FHOD3: variants seen among roughly 807,000 people sequenced by gnomAD.
FHOD3 encodes the protein formin homology 2 domain containing 3, also known as FH1/FH2 domain-containing protein 3.
A neutral mutation model predicts 173.0 loss-of-function variants in FHOD3; 90 were observed. The ratio of observed to expected loss-of-function variants is 0.52; its 90% CI spans 0.44 to 0.62. The LOEUF (loss-of-function observed/expected upper bound fraction) is 0.62. Ranked by LOEUF, FHOD3 falls within the 20% of genes least tolerant of loss-of-function variation. FHOD3 has a pLI of 0.00. For missense variants in FHOD3, 1,945 were observed against 2,034.7 expected, an observed-to-expected ratio of 0.96 and a Z score of 0.85; for synonymous variants, 828 against 823.0, an observed-to-expected ratio of 1.01 and a Z score of -0.10.
chr18:36,440,290 T>C (rs1230733257), intron 3 of FHOD3, among the ~76,000 whole-genome samples: 1 of 152,202 alleles, frequency 6.6e-6, no homozygotes, highest in Non-Finnish European at 1.5e-5. Context: ...GCTGTCATCT[T>C]CTGCAGCAGA....
intron 6 of FHOD3, among the ~76,000 whole-genome samples, chr18:36,589,194 C>T (rs953225): frequency 1.1e-4 from 17 of 152,068 alleles, no homozygotes; most frequent in Non-Finnish European, 2.2e-4. Flanking sequence ...TGCTTTTGCA[C>T]CCCCCGTATG....
intron 16 of FHOD3, among the ~76,000 whole-genome samples, chr18:36,687,734 T>C (rs958784572): frequency 1.2e-4 from 18 of 152,222 alleles, no homozygotes; most frequent in Admixed American, 2.6e-4. Context: ...GAATAATATA[T>C]GGAATCAGTA....
At chr18:36,680,699 C>G (rs1043191930) in intron 14 of FHOD3, among the ~76,000 whole-genome samples, 5 of 152,240 alleles carry the variant, frequency 3.3e-5, no homozygotes, top group African/African-American at 7.2e-5. Context: ...ATACCACTGC[C>G]TGTCCTTTGA....
chr18:36,436,284 G>A (rs1460468072), intron 3 of FHOD3, among the ~76,000 whole-genome samples: 1 of 152,066 alleles, frequency 6.6e-6, no homozygotes, highest in African/African-American at 2.4e-5. Flanking sequence ...TATGCCCTTT[G>A]TATTTCTATA....
At chr18:36,399,070 C>T (rs535222464) in intron 3 of FHOD3, among the ~76,000 whole-genome samples, 1 of 151,572 alleles carries the variant, frequency 6.6e-6, no homozygotes, top group South Asian at 2.1e-4. Flanking sequence ...GTTTGGGTAC[C>T]TTGTATCTGA....
chr18:36,477,540 CACCCACCTACCTACCTACCT>C (rs1447039784), intron 3 of FHOD3, among the ~76,000 whole-genome samples: 1,179 of 108,576 alleles, frequency 0.011, 13 homozygotes, highest in South Asian at 0.018. Context: ...CCCACCCACC[CACCCACCTACCTACCTACCT>C]ACCTACCTAC....
chr18:36,776,665 A>G (rs2043677674), intron 28 of FHOD3, among the ~76,000 whole-genome samples: 1 of 152,208 alleles, frequency 6.6e-6, no homozygotes, highest in African/African-American at 2.4e-5. Context: ...CTTTTCAGGG[A>G]TACATCTGGC....
intron 6 of FHOD3, among the ~76,000 whole-genome samples, chr18:36,583,885 A>G (rs755995083): frequency 2.0e-5 from 3 of 152,030 alleles, no homozygotes; most frequent in Non-Finnish European, 4.4e-5. Context: ...GAGTATAGTG[A>G]CACAGTCTCG....
intron 2 of FHOD3, among the ~76,000 whole-genome samples, chr18:36,366,383 A>G (rs1011213862): frequency 6.6e-6 from 1 of 152,206 alleles, no homozygotes; most frequent in Non-Finnish European, 1.5e-5. Context: ...AAGAACAGTA[A>G]TATCAACAAG....
intron 9 of FHOD3, among the ~76,000 whole-genome samples, chr18:36,621,760 A>G (rs2033728005): frequency 6.6e-6 from 1 of 152,208 alleles, no homozygotes; most frequent in Non-Finnish European, 1.5e-5. Flanking sequence ...GAGAATTTCC[A>G]CAGTACAAAG....
At chr18:36,691,119 A>G (rs1284844808) in intron 16 of FHOD3, among the ~76,000 whole-genome samples, 1 of 152,150 alleles carries the variant, frequency 6.6e-6, no homozygotes. Flanking sequence ...AGTGGGTTAA[A>G]CCCTTTGGCT....
intron 6 of FHOD3, among the ~76,000 whole-genome samples, chr18:36,578,549 C>G (rs369803197): frequency 1.9e-4 from 29 of 152,292 alleles, no homozygotes; most frequent in African/African-American, 3.4e-4. Context: ...TGCCCACCCC[C>G]ACTAGAGTGA....
At chr18:36,678,082 C>A (rs2037979668) in intron 14 of FHOD3, among the ~76,000 whole-genome samples, 2 of 152,082 alleles carry the variant, frequency 1.3e-5, no homozygotes, top group African/African-American at 4.8e-5. Flanking sequence ...TATAGATGGT[C>A]AGATTATCTG....
chr18:36,613,423 G>A (rs530192621), intron 9 of FHOD3, among the ~76,000 whole-genome samples: 107 of 152,288 alleles, frequency 7.0e-4, no homozygotes, highest in African/African-American at 2.5e-3. Context: ...CTATGAGAGT[G>A]TTGAAATGAC....
intron 2 of FHOD3, among the ~76,000 whole-genome samples, chr18:36,364,418 A>G (rs547174373): frequency 2.6e-5 from 4 of 152,296 alleles, no homozygotes; most frequent in African/African-American, 9.6e-5. Context: ...TTCTGTGTGC[A>G]CATAGCTTTC....
intron 1 of FHOD3, among the ~76,000 whole-genome samples, chr18:36,325,346 A>G (rs1339987810): frequency 6.6e-6 from 1 of 152,164 alleles, no homozygotes; most frequent in Non-Finnish European, 1.5e-5. Context: ...AAATAGATGG[A>G]AGCAATTGGT....
At chr18:36,725,346 G>A (rs537953595) in intron 19 of FHOD3, among the ~76,000 whole-genome samples, 3 of 152,342 alleles carry the variant, frequency 2.0e-5, no homozygotes, top group Admixed American at 6.5e-5. Flanking sequence ...GCATGGAAAT[G>A]TTCCCACTTG....
chr18:36,350,502 G>A (rs2046072845), intron 1 of FHOD3, among the ~76,000 whole-genome samples: 1 of 152,164 alleles, frequency 6.6e-6, no homozygotes, highest in South Asian at 2.1e-4. Flanking sequence ...CAATGTCCTG[G>A]CCACCAAACC....
intron 1 of FHOD3, among the ~76,000 whole-genome samples, chr18:36,332,239 C>T (rs963611118): frequency 1.3e-5 from 2 of 152,174 alleles, no homozygotes; most frequent in African/African-American, 4.8e-5. Context: ...GGTTTGCCTT[C>T]CCTGCAGCAG....
Sources: gnomAD v4.1 joint callset for allele counts (sites outside exome capture counted in the v4.1 genomes callset) on GRCh38, gnomAD v4.1.1 for gene constraint, MANE v1.5 for transcripts, NCBI Gene and HGNC (gene_info 2026-07-23, HGNC 2026-07-21) for gene names.